Variants in ERBB4 observed in about 807,000 individuals in gnomAD.
ERBB4 encodes the protein receptor tyrosine-protein kinase erbB-4.
Under a neutral mutation model 158.0 loss-of-function variants are expected in ERBB4, and 42 were observed. That is an observed-to-expected ratio of 0.27 (90% confidence interval 0.21 to 0.34). The LOEUF is 0.34. Ranked by LOEUF, ERBB4 falls within the 10% of genes least tolerant of loss-of-function variation. The pLI is 1.00. For synonymous variants in ERBB4, 583 were observed against 558.7 expected (o/e 1.04, Z -0.61); for missense variants, 1,333 against 1,624.1 (o/e 0.82, Z 3.08).
chr2:211,946,410 T>G (rs1398051988), intron 3 of ERBB4, among the ~76,000 whole-genome samples: 1 of 151,932 alleles, frequency 6.6e-6, no homozygotes, highest in Non-Finnish European at 1.5e-5. Context: ...CTAAACTGCT[T>G]AATTTTTCAA....
chr2:211,982,351 G>A (rs2081824293), intron 2 of ERBB4, among the ~76,000 whole-genome samples: 1 of 152,112 alleles, frequency 6.6e-6, no homozygotes, highest in Non-Finnish European at 1.5e-5. Flanking sequence ...GCTGCCTTGA[G>A]AAAGTGATCT....
chr2:212,283,103 A>G (rs2085821637), intron 1 of ERBB4, among the ~76,000 whole-genome samples: 1 of 151,994 alleles, frequency 6.6e-6, no homozygotes, highest in South Asian at 2.1e-4. Context: ...TCAGGGCATT[A>G]ACTGCTGACA....
chr2:211,824,098 T>C (rs2077047084), intron 3 of ERBB4, among the ~76,000 whole-genome samples: 1 of 151,992 alleles, frequency 6.6e-6, no homozygotes, highest in South Asian at 2.1e-4. Context: ...GGCAAGTGCT[T>C]TCCCATTGCC....
At chr2:212,231,803 T>C (rs1574483095) in intron 1 of ERBB4, among the ~76,000 whole-genome samples, 2 of 152,328 alleles carry the variant, frequency 1.3e-5, no homozygotes, top group East Asian at 1.9e-4. Context: ...TGCAATCAAC[T>C]AGGATAAAAA....
intron 4 of ERBB4, among the ~76,000 whole-genome samples, chr2:211,766,593 T>C (rs529663995): frequency 6.6e-6 from 1 of 152,342 alleles, no homozygotes; most frequent in Non-Finnish European, 1.5e-5. Flanking sequence ...TTAAGTTCTA[T>C]TTAATTGTGA....
chr2:211,963,479 T>G (rs1387995604), intron 2 of ERBB4, among the ~76,000 whole-genome samples: 1 of 152,130 alleles, frequency 6.6e-6, no homozygotes, highest in Non-Finnish European at 1.5e-5. Flanking sequence ...GTATACATTA[T>G]GAGGAAAATT....
At chr2:212,424,729 G>A (rs1261917904) in intron 1 of ERBB4, among the ~76,000 whole-genome samples, 1 of 151,302 alleles carries the variant, frequency 6.6e-6, no homozygotes, top group Non-Finnish European at 1.5e-5. Context: ...TTTTTTGTTT[G>A]TTTGTTTGTT....
intron 1 of ERBB4, among the ~76,000 whole-genome samples, chr2:212,470,941 C>T (rs1235020834): frequency 6.6e-6 from 1 of 151,928 alleles, no homozygotes; most frequent in African/African-American, 2.4e-5. Flanking sequence ...TGTAATAGAT[C>T]AAACTAATAC....
intron 12 of ERBB4, among the ~76,000 whole-genome samples, chr2:211,695,940 TTTCTTTCTTTTTATTTC>T (rs1054183359): frequency 1.3e-5 from 2 of 150,096 alleles, no homozygotes; most frequent in African/African-American, 5.0e-5. Context: ...TGCTCTTTCT[TTTCTTTCTTTTTATTTC>T]TTCTTTCTTT....
chr2:212,440,142 T>G (rs2092223148), intron 1 of ERBB4, among the ~76,000 whole-genome samples: 1 of 152,160 alleles, frequency 6.6e-6, no homozygotes, highest in Non-Finnish European at 1.5e-5. Context: ...TAATACTGAG[T>G]GTCAACTTGA....
chr2:212,386,773 C>T (rs1273756736), intron 1 of ERBB4, among the ~76,000 whole-genome samples: 1 of 151,934 alleles, frequency 6.6e-6, no homozygotes, highest in Non-Finnish European at 1.5e-5. Context: ...AATTAAGTTA[C>T]CACCCTTTAT....
intron 20 of ERBB4, among the ~76,000 whole-genome samples, chr2:211,559,284 T>A (rs1036113200): frequency 6.6e-6 from 1 of 152,188 alleles, no homozygotes; most frequent in African/African-American, 2.4e-5. Flanking sequence ...ATCGCCTCAA[T>A]CTAACCTCCG....
intron 9 of ERBB4, among the ~76,000 whole-genome samples, chr2:211,706,818 T>G (rs1575021391): frequency 6.6e-6 from 1 of 152,114 alleles, no homozygotes; most frequent in Admixed American, 6.5e-5. Context: ...TATTAATATC[T>G]CACAAAAGCT....
At chr2:211,914,680 C>T (rs1035274843) in intron 3 of ERBB4, among the ~76,000 whole-genome samples, 1 of 151,996 alleles carries the variant, frequency 6.6e-6, no homozygotes, top group Non-Finnish European at 1.5e-5. Context: ...TGGAAAAATA[C>T]ACATAATCAA....
chr2:212,399,730 G>A (rs1371312745), intron 1 of ERBB4, among the ~76,000 whole-genome samples: 1 of 82,758 alleles, frequency 1.2e-5, no homozygotes, highest in Non-Finnish European at 2.6e-5. Context: ...AAAAAAATTA[G>A]CCTGCTGGCA....
chr2:211,420,598 A>C lies in ERBB4; in HGVS notation c.2978T>G (p.Met993Arg), dbSNP rs765087226. 2 of 1,609,422 alleles carry C rather than the reference A, an allele frequency of 1.2e-6. No individual in the cohort carries two copies. The highest frequency in any genetic ancestry group is 2.2e-5 in the South Asian group (2 of 91,028). Residue 993 changes from methionine (M) to arginine (R), a missense_variant, in exon 25 of 28, where the codon ATG becomes AGG. Met to Arg is a moderately conservative substitution (Grantham distance 91). Around this residue, in one of 5 missense-constraint regions of ERBB4, gnomAD observed 314 missense variants for 437.6 expected, o/e 0.72. Coordinates refer to ENST00000342788, the MANE Select transcript of ERBB4 (RefSeq NM_005235.3). ...GCTGTCATTTGGACTGGGAAGCTTC[A>C]TACGATCATCACCCTAAAAGAAAGA... Reference protein sequence around the residue: ...RYLVIQGDDRMKLPSPNDSKF... With the variant: ...RYLVIQGDDRRKLPSPNDSKF...
At chr2:211,946,118 TA>T (rs1219677049) in intron 3 of ERBB4, among the ~76,000 whole-genome samples, 1 of 151,960 alleles carries the variant, frequency 6.6e-6, no homozygotes, top group Non-Finnish European at 1.5e-5. Flanking sequence ...TTGAAAGAAA[TA>T]AAAGTGAAAA....
intron 25 of ERBB4, among the ~76,000 whole-genome samples, chr2:211,413,550 TAG>T (rs1574440737): frequency 6.6e-6 from 1 of 152,072 alleles, no homozygotes; most frequent in Non-Finnish European, 1.5e-5. Flanking sequence ...CAGCCGTTGT[TAG>T]AAGTGATGTT....
chr2:212,205,000 G>C (rs1195930003), intron 1 of ERBB4, among the ~76,000 whole-genome samples: 2 of 148,932 alleles, frequency 1.3e-5, no homozygotes, highest in Non-Finnish European at 3.0e-5. Flanking sequence ...GTATTTTTAG[G>C]AGAGACTGGG....
Sources: allele counts gnomAD v4.1 joint callset (sites outside exome capture counted in the v4.1 genomes callset), GRCh38; gene constraint gnomAD v4.1.1; regional missense constraint gnomAD v4.1.1; transcripts MANE v1.5; gene names NCBI Gene and HGNC (gene_info 2026-07-23, HGNC 2026-07-21).